The following KCNQ5 variants were observed in gnomAD, a reference collection of about 807,000 sequenced individuals.
KCNQ5 encodes potassium voltage-gated channel subfamily Q member 5.
A neutral mutation model predicts 98.2 loss-of-function variants in KCNQ5; 30 were observed. That is an observed-to-expected ratio of 0.31 (90% CI 0.23 to 0.41). The LOEUF is 0.41. KCNQ5 is among the 10% of genes least tolerant of loss of function. The probability of loss-of-function intolerance (pLI) is 1.00; values close to 1 mark genes in which losing one functional copy is unlikely to be tolerated. For missense variants in KCNQ5, 835 were observed against 1,182.5 expected (o/e 0.71, Z 4.31); for synonymous variants, 458 against 449.4 (o/e 1.02, Z -0.24).
At chr6:73,002,638 A>G (rs2150321854) in intron 1 of KCNQ5, among the ~76,000 whole-genome samples, 1 of 152,312 alleles carries the variant, frequency 6.6e-6, no homozygotes, top group East Asian at 1.9e-4. Flanking sequence ...TGGTGGGGTC[A>G]TCTATTGACC....
chr6:72,819,253 T>C (rs1187384588), intron 1 of KCNQ5, among the ~76,000 whole-genome samples: 1 of 152,196 alleles, frequency 6.6e-6, no homozygotes, highest in African/African-American at 2.4e-5. Flanking sequence ...AAGCACATCA[T>C]GGAGAATGGG....
intron 3 of KCNQ5, among the ~76,000 whole-genome samples, chr6:73,065,199 C>T (rs1181024548): frequency 1.3e-5 from 2 of 152,096 alleles, no homozygotes; most frequent in Non-Finnish European, 2.9e-5. Context: ...AAATAGTGCT[C>T]CTCACCTATC....
intron 1 of KCNQ5, among the ~76,000 whole-genome samples, chr6:72,674,460 A>T (rs1219011428): frequency 6.6e-6 from 1 of 152,090 alleles, no homozygotes; most frequent in South Asian, 2.1e-4. Context: ...ATTTAAAATT[A>T]AAAAAATATT....
rs1775080858 is a variant in KCNQ5 at position 72,808,800 on chromosome 6, A to T, written c.398+186213A>T. Among the ~76,000 whole-genome samples, 2 of 152,122 alleles carry T rather than the reference A, an allele frequency of 1.3e-5. 1 individual carries two copies. The highest frequency in any genetic ancestry group is 4.1e-4 in the South Asian group (2 of 4,820). Reference sequence around the variant, plus strand: ...AGTCTCTACTAAAAATACAAAAAAAAAACTAGTTCAACCATTGTGGAAGTC... The same window carrying T: ...AGTCTCTACTAAAAATACAAAAAAATAACTAGTTCAACCATTGTGGAAGTC... On this transcript the variant is annotated intron_variant, in intron 1 of 13. Coordinates refer to ENST00000370398, the MANE Select transcript of KCNQ5 (RefSeq NM_019842.4).
At chr6:72,756,166 C>A (rs565603566) in intron 1 of KCNQ5, among the ~76,000 whole-genome samples, 55 of 152,104 alleles carry the variant, frequency 3.6e-4, no homozygotes, top group Non-Finnish European at 6.0e-4. Context: ...CCTATTTTTC[C>A]CATGCTTTGC....
At chr6:72,802,545 A>C (rs1376407331) in intron 1 of KCNQ5, among the ~76,000 whole-genome samples, 1 of 152,126 alleles carries the variant, frequency 6.6e-6, no homozygotes, top group East Asian at 1.9e-4. Context: ...AGCAAAACCC[A>C]ACCTCATATC....
chr6:73,019,791 A>G (rs1346857743), intron 2 of KCNQ5, among the ~76,000 whole-genome samples: 1 of 152,136 alleles, frequency 6.6e-6, no homozygotes, highest in Admixed American at 6.6e-5. Flanking sequence ...CTATAGCACA[A>G]ACAATATTTT....
chr6:73,056,693 T>C (rs1225417423), intron 3 of KCNQ5, among the ~76,000 whole-genome samples: 1 of 152,210 alleles, frequency 6.6e-6, no homozygotes, highest in East Asian at 1.9e-4. Context: ...CACATAGGTC[T>C]AGTGTTCATT....
chr6:73,097,142 CATAT>C (rs70994161), intron 5 of KCNQ5, among the ~76,000 whole-genome samples: 2 of 121,856 alleles, frequency 1.6e-5, no homozygotes, highest in African/African-American at 5.3e-5. Flanking sequence ...CAATAGATCT[CATAT>C]ATATATATAT....
At chr6:72,661,882 T>A (rs954781343) in intron 1 of KCNQ5, among the ~76,000 whole-genome samples, 1 of 152,184 alleles carries the variant, frequency 6.6e-6, no homozygotes, top group Non-Finnish European at 1.5e-5. Flanking sequence ...CTTCTTTAAA[T>A]GAAAAACTGG....
intron 1 of KCNQ5, among the ~76,000 whole-genome samples, chr6:72,766,464 A>G (rs566492277): frequency 1.3e-5 from 2 of 152,138 alleles, no homozygotes; most frequent in South Asian, 2.1e-4. Flanking sequence ...AAAAAAGATA[A>G]TGGATATGGC....
chr6:73,149,535 C>A (rs542093162), intron 10 of KCNQ5, among the ~76,000 whole-genome samples: 2 of 152,160 alleles, frequency 1.3e-5, no homozygotes, highest in Non-Finnish European at 2.9e-5. Context: ...TGGTGGCTCA[C>A]GCCTGTAATC....
intron 1 of KCNQ5, among the ~76,000 whole-genome samples, chr6:72,623,389 A>AGTGTGTGT (rs1485468754): frequency 1.3e-4 from 5 of 37,242 alleles, no homozygotes; most frequent in African/African-American, 8.9e-4. Context: ...GCGGAGTCAA[A>AGTGTGTGT]GAGTGTGTGT....
At chr6:73,154,695 C>A (rs1209859204) in intron 10 of KCNQ5, among the ~76,000 whole-genome samples, 1 of 152,166 alleles carries the variant, frequency 6.6e-6, no homozygotes, top group Non-Finnish European at 1.5e-5. Context: ...ATTTATTCAA[C>A]AAATATTTCC....
intron 1 of KCNQ5, among the ~76,000 whole-genome samples, chr6:72,953,692 C>G (rs899413812): frequency 6.6e-6 from 1 of 152,114 alleles, no homozygotes; most frequent in East Asian, 1.9e-4. Context: ...ATGAAGAGGT[C>G]TCACATTTTT....
chr6:73,190,261 T>G (rs192436446), intron 11 of KCNQ5, among the ~76,000 whole-genome samples: 4,693 of 152,308 alleles, frequency 0.031, 94 homozygotes, highest in East Asian at 0.069. Flanking sequence ...GGAGATTGCA[T>G]GGAAAAGTTA....
At chr6:72,664,569 C>G (rs1259032024) in intron 1 of KCNQ5, among the ~76,000 whole-genome samples, 1 of 152,018 alleles carries the variant, frequency 6.6e-6, no homozygotes, top group Non-Finnish European at 1.5e-5. Context: ...GCAGGAGAGT[C>G]CCTTGAACCT....
chr6:73,131,500 G>A (rs1264726097), intron 9 of KCNQ5, among the ~76,000 whole-genome samples: 1 of 152,022 alleles, frequency 6.6e-6, no homozygotes, highest in African/African-American at 2.4e-5. Flanking sequence ...GAATAAAGGT[G>A]CAGAAGTGAG....
chr6:73,166,750 C>G (rs1445907747), intron 10 of KCNQ5, among the ~76,000 whole-genome samples: 1 of 152,146 alleles, frequency 6.6e-6, no homozygotes, highest in Non-Finnish European at 1.5e-5. Flanking sequence ...TGGGAGAAAC[C>G]ATCCCCTGCC....
Sources: allele counts gnomAD v4.1 joint callset (sites outside exome capture counted in the v4.1 genomes callset), GRCh38; gene constraint gnomAD v4.1.1; transcripts MANE v1.5; gene names NCBI Gene and HGNC (gene_info 2026-07-23, HGNC 2026-07-21).